DLGAP2: variants seen among roughly 807,000 people sequenced by gnomAD.
The protein encoded by DLGAP2 is disks large-associated protein 2.
A neutral mutation model predicts 100.3 loss-of-function variants in DLGAP2; 26 were observed. That is an observed-to-expected ratio of 0.26 (90% CI 0.19 to 0.36). DLGAP2 has a LOEUF of 0.36. Ranked by LOEUF, DLGAP2 falls within the 10% of genes least tolerant of loss-of-function variation. DLGAP2 has a pLI of 1.00. For synonymous variants in DLGAP2, 886 were observed against 630.1 expected (o/e 1.41, Z -6.08); for missense variants, 1,858 against 1,453.2 (o/e 1.28, Z -4.53).
intron 3 of DLGAP2, among the ~76,000 whole-genome samples, chr8:1,289,516 C>G (rs974172361): frequency 4.8e-4 from 73 of 152,308 alleles, no homozygotes; most frequent in African/African-American, 1.7e-3. Context: ...GGGGATAGAG[C>G]TGTAAAAGCT....
At chr8:760,890 CG>C (rs1362290141) in intron 1 of DLGAP2, among the ~76,000 whole-genome samples, 1 of 152,146 alleles carries the variant, frequency 6.6e-6, no homozygotes, top group Non-Finnish European at 1.5e-5. Context: ...CACCATGCTG[CG>C]GGAGACCCTA....
chr8:851,611 G>A (rs1374578413), intron 1 of DLGAP2, among the ~76,000 whole-genome samples: 1 of 152,204 alleles, frequency 6.6e-6, no homozygotes, highest in Non-Finnish European at 1.5e-5. Flanking sequence ...GGACTAGTCA[G>A]TTCAGCCTCT....
intron 2 of DLGAP2, among the ~76,000 whole-genome samples, chr8:971,758 G>C (rs141514504): frequency 1.1e-4 from 17 of 152,284 alleles, no homozygotes; most frequent in Non-Finnish European, 2.5e-4. Context: ...ATAGAAATCT[G>C]TTTTTCAAGC....
At position 1,209,398 on chromosome 8, in the gene DLGAP2, A is replaced by G. The variant is rs186144264; in HGVS notation, c.74-49453A>G. Among the ~76,000 whole-genome samples the G allele has an allele frequency of 9.4e-4, 143 of 152,324 alleles. 1 individual carries two copies. Among genetic ancestry groups the G allele is most frequent in the African/African-American group, 3.3e-3 (139 of 41,576 alleles). Reference sequence around the variant, plus strand: ...TTGTTTATTAGCTTTTTCCTTCCCTACATTTTAAATTCCAAAAAGACAATC... The same window carrying G: ...TTGTTTATTAGCTTTTTCCTTCCCTGCATTTTAAATTCCAAAAAGACAATC... On this transcript the variant is annotated intron_variant, in intron 2 of 14. Coordinates refer to ENST00000637795, the MANE Select transcript of DLGAP2 (RefSeq NM_001346810.2).
At chr8:1,180,484 G>C (rs935569049) in intron 2 of DLGAP2, among the ~76,000 whole-genome samples, 9 of 152,242 alleles carry the variant, frequency 5.9e-5, no homozygotes, top group Non-Finnish European at 1.2e-4. Context: ...AGGAGCCACC[G>C]TGCCCAGCTC....
chr8:902,077 AGAG>A lies in DLGAP2; in HGVS notation c.19-5833_19-5831del, dbSNP rs994119734. On this transcript the variant is annotated intron_variant, in intron 1 of 14. Transcript: ENST00000637795. ...CGAGGAACCCTGGTGGGTCCACCGC[AGAG>A]GGATTGCTCAGGAATGTTGCGCCAG... 7.2e-5 allele frequency among the ~76,000 whole-genome samples: 11 copies of A among 152,320 alleles called. No individual in the cohort carries two copies. The South Asian group carries it at 1.0e-3, about 14-fold the overall frequency.
At chr8:1,295,382 C>T (rs1031044607) in intron 3 of DLGAP2, among the ~76,000 whole-genome samples, 1 of 152,362 alleles carries the variant, frequency 6.6e-6, no homozygotes, top group East Asian at 1.9e-4. Flanking sequence ...AGGCTCTGCC[C>T]TCCTTGGTGG....
At chr8:1,019,701 A>AG (rs1801574446) in intron 2 of DLGAP2, 1 of 152,236 alleles carries the variant, frequency 6.6e-6, no homozygotes, top group South Asian at 2.1e-4. Flanking sequence ...AGATATGTCT[A>AG]GAATTCATGT....
intron 1 of DLGAP2, among the ~76,000 whole-genome samples, chr8:750,240 C>G (rs1258786464): frequency 6.6e-6 from 1 of 152,230 alleles, no homozygotes; most frequent in Non-Finnish European, 1.5e-5. Context: ...CTGGCACCAC[C>G]CGTGGGCACT....
chr8:1,179,173 C>T (rs1797326624), intron 2 of DLGAP2, among the ~76,000 whole-genome samples: 1 of 152,254 alleles, frequency 6.6e-6, no homozygotes, highest in African/African-American at 2.4e-5. Context: ...CCCTCAAGTG[C>T]CCAAAGAAAG....
intron 3 of DLGAP2, among the ~76,000 whole-genome samples, chr8:1,468,101 G>A (rs1029790345): frequency 6.6e-5 from 10 of 152,350 alleles, no homozygotes; most frequent in African/African-American, 1.9e-4. Context: ...TGCCAAAGAC[G>A]TGGACCCAGG....
At chr8:1,182,079 C>G (rs1427208302) in intron 2 of DLGAP2, among the ~76,000 whole-genome samples, 1 of 152,236 alleles carries the variant, frequency 6.6e-6, no homozygotes, top group African/African-American at 2.4e-5. Context: ...ATAGATGGGT[C>G]TTGCTAAGGA....
intron 3 of DLGAP2, among the ~76,000 whole-genome samples, chr8:1,282,570 A>C (rs1487175057): frequency 1.1e-5 from 1 of 91,986 alleles, no homozygotes; most frequent in Non-Finnish European, 2.2e-5. Context: ...TGAACCCAGC[A>C]CATGAACCAT....
At chr8:1,048,732 G>T (rs1017856173) in intron 2 of DLGAP2, among the ~76,000 whole-genome samples, 1 of 152,050 alleles carries the variant, frequency 6.6e-6, no homozygotes, top group South Asian at 2.1e-4. Flanking sequence ...GGGCTGCGGT[G>T]GGCCTAGCCT....
chr8:1,271,717 A>G (rs921926848), intron 3 of DLGAP2, among the ~76,000 whole-genome samples: 1 of 152,222 alleles, frequency 6.6e-6, no homozygotes, highest in Admixed American at 6.5e-5. Context: ...GGGGAGGGGA[A>G]ATGGGACAAT....
chr8:1,661,615 C>A (rs1314008389), intron 8 of DLGAP2, among the ~76,000 whole-genome samples: 2 of 152,152 alleles, frequency 1.3e-5, no homozygotes, highest in Non-Finnish European at 2.9e-5. Flanking sequence ...AGGCGGCCAC[C>A]AGGAAGCAGA....
At chr8:1,034,058 G>A (rs1483200876) in intron 2 of DLGAP2, among the ~76,000 whole-genome samples, 52 of 84,760 alleles carry the variant, frequency 6.1e-4, no homozygotes, top group Middle Eastern at 0.011. Context: ...GCGTGTCACC[G>A]CGAGTGGGTT....
intron 2 of DLGAP2, among the ~76,000 whole-genome samples, chr8:1,087,370 C>T (rs946239995): frequency 6.6e-6 from 1 of 152,170 alleles, no homozygotes; most frequent in African/African-American, 2.4e-5. Flanking sequence ...TCATTCTTTG[C>T]CTCTCCAGTT....
chr8:1,432,140 C>T (rs537260495), intron 3 of DLGAP2, among the ~76,000 whole-genome samples: 24 of 152,334 alleles, frequency 1.6e-4, no homozygotes, highest in African/African-American at 5.8e-4. Context: ...TCATTCGGGG[C>T]TAGTTCCACT....
Sources: allele counts gnomAD v4.1 joint callset (sites outside exome capture counted in the v4.1 genomes callset), GRCh38; gene constraint gnomAD v4.1.1; transcripts MANE v1.5; gene names NCBI Gene and HGNC (gene_info 2026-07-23, HGNC 2026-07-21).